Variants in MOB3B observed in about 807,000 individuals in gnomAD.
The protein encoded by MOB3B is MOB kinase activator 3B.
MOB3B carries 7 observed loss-of-function variants against 18.7 expected under a neutral mutation model. That is an observed-to-expected ratio of 0.37 (90% CI 0.21 to 0.70). The LOEUF (loss-of-function observed/expected upper bound fraction) is 0.70, where lower values mean the gene tolerates loss of function less well. Among genes scored for constraint, MOB3B ranks in the 30% least tolerant of loss-of-function variants. The probability of loss-of-function intolerance (pLI) is 0.52; values close to 1 mark genes in which losing one functional copy is unlikely to be tolerated. For synonymous variants in MOB3B, 111 were observed against 99.9 expected, an observed-to-expected ratio of 1.11 and a Z score of -0.66; for missense variants, 253 against 281.3, an observed-to-expected ratio of 0.90 and a Z score of 0.72.
chr9:27,342,063 G>A (rs1006829930), intron 3 of MOB3B, among the ~76,000 whole-genome samples: 1 of 152,130 alleles, frequency 6.6e-6, no homozygotes, highest in South Asian at 2.1e-4. Context: ...ATTGGAGTAA[G>A]CCACACCCAT....
At chr9:27,426,472 C>G (rs1822333282) in intron 2 of MOB3B, among the ~76,000 whole-genome samples, 2 of 152,182 alleles carry the variant, frequency 1.3e-5, no homozygotes, top group Non-Finnish European at 2.9e-5. Flanking sequence ...CTTATGCACA[C>G]AGAGGTCCAG....
rs73437172 is a variant in MOB3B at position 27,498,336 on chromosome 9, C to A, written c.-199+31219G>T. Reference sequence around the variant, plus strand: ...ACCTACTGTGAGGTACAAGGGTGAGCATTGTTTAATTGGCTTTGGGAGTCG... The same window carrying A: ...ACCTACTGTGAGGTACAAGGGTGAGAATTGTTTAATTGGCTTTGGGAGTCG... On this transcript the variant is annotated intron_variant, in intron 1 of 3. Transcript: ENST00000262244. 7.8e-3 allele frequency among the ~76,000 whole-genome samples: 1,184 copies of A among 152,276 alleles called. 20 individuals are homozygous for A. The highest frequency in any genetic ancestry group is 0.026 in the African/African-American group (1,091 of 41,546).
intron 1 of MOB3B, among the ~76,000 whole-genome samples, chr9:27,481,507 T>TG (rs1554652191): frequency 1.0e-3 from 105 of 102,336 alleles, no homozygotes; most frequent in Admixed American, 2.1e-3. Context: ...GTTTTTTTTT[T>TG]TTTGTTTTTT....
rs148951181 is a variant in MOB3B at position 27,387,604 on chromosome 9, A to G, written c.419-28368T>C. Among the ~76,000 whole-genome samples the G allele has an allele frequency of 1.2e-3, 176 of 152,348 alleles. 1 individual carries two copies. The highest frequency in any genetic ancestry group is 4.0e-3 in the African/African-American group (165 of 41,560). ...AACTACTATTATTATCATTATCATAATTACCATCAGATTCTCCTGGTACAT... is the reference window on the plus strand; with the variant it reads ...AACTACTATTATTATCATTATCATAGTTACCATCAGATTCTCCTGGTACAT... On this transcript the variant is annotated intron_variant, in intron 2 of 3. Coordinates refer to ENST00000262244, the MANE Select transcript of MOB3B (RefSeq NM_024761.5).
At chr9:27,480,419 C>T (rs1292336903) in intron 1 of MOB3B, among the ~76,000 whole-genome samples, 1 of 151,886 alleles carries the variant, frequency 6.6e-6, no homozygotes, top group African/African-American at 2.4e-5. Flanking sequence ...CCTGCCTCAG[C>T]CTCCGGAGTA....
At chr9:27,506,418 T>C (rs1257549803) in intron 1 of MOB3B, among the ~76,000 whole-genome samples, 2 of 152,196 alleles carry the variant, frequency 1.3e-5, no homozygotes, top group Admixed American at 1.3e-4. Context: ...GTCTGAAATG[T>C]CTCCTCTCAT....
chr9:27,413,046 A>G (rs942052304), intron 2 of MOB3B, among the ~76,000 whole-genome samples: 3 of 152,204 alleles, frequency 2.0e-5, no homozygotes, highest in African/African-American at 4.8e-5. Flanking sequence ...CAGCCAAGTA[A>G]TAACATTAAC....
intron 2 of MOB3B, among the ~76,000 whole-genome samples, chr9:27,415,060 C>T (rs1424755364): frequency 1.3e-5 from 2 of 151,682 alleles, no homozygotes; most frequent in African/African-American, 4.9e-5. Context: ...CGGGGTTTCA[C>T]CATGTTGGCC....
At chr9:27,513,946 G>A (rs1288037764) in intron 1 of MOB3B, among the ~76,000 whole-genome samples, 1 of 151,552 alleles carries the variant, frequency 6.6e-6, no homozygotes, top group Admixed American at 6.6e-5. Context: ...GTGGATGGAT[G>A]GAATAAACAT....
At position 27,329,870 on chromosome 9, in the gene MOB3B, T is replaced by C. The variant is rs890874376; in HGVS notation, c.*717A>G. The C allele has an allele frequency of 3.3e-5, 5 of 152,636 alleles. No individual in the cohort carries two copies. Among genetic ancestry groups the C allele is most frequent in the African/African-American group, 4.8e-5 (2 of 41,454 alleles). 9.5% of individuals were successfully genotyped at this position (152,636 alleles called of 1,614,324 possible). On this transcript the variant is annotated 3_prime_UTR_variant, in exon 4 of 4. Transcript: ENST00000262244. ...AACTGGTAACTTGTCAGCTTTACGC[T>C]AGTAACCAGTCTCTTCCCTGCAGTT...
intron 2 of MOB3B, among the ~76,000 whole-genome samples, chr9:27,376,691 T>C (rs1587165960): frequency 6.6e-6 from 1 of 152,224 alleles, no homozygotes; most frequent in African/African-American, 2.4e-5. Context: ...AATACTGGCC[T>C]ACAGAAGTGA....
chr9:27,524,913 T>A (rs564573513), intron 1 of MOB3B: 1 of 1,609,402 alleles, frequency 6.2e-7, no homozygotes, highest in East Asian at 2.2e-5. Flanking sequence ...AATCAGAAGA[T>A]GTTTGTATTA....
At chr9:27,477,671 A>G (rs1354800151) in intron 1 of MOB3B, among the ~76,000 whole-genome samples, 1 of 152,244 alleles carries the variant, frequency 6.6e-6, no homozygotes, top group African/African-American at 2.4e-5. Context: ...AATATAAGCC[A>G]TGGCAGCCAT....
chr9:27,370,307 A>C (rs1054600334), intron 2 of MOB3B, among the ~76,000 whole-genome samples: 1 of 152,070 alleles, frequency 6.6e-6, no homozygotes, highest in African/African-American at 2.4e-5. Context: ...TCGGGAATTC[A>C]AGACCGGCCT....
intron 2 of MOB3B, among the ~76,000 whole-genome samples, chr9:27,409,532 A>T (rs922202327): frequency 2.0e-5 from 3 of 152,250 alleles, no homozygotes; most frequent in African/African-American, 7.2e-5. Flanking sequence ...GCAGTTCCTC[A>T]AAAAGTTAAA....
At chr9:27,452,781 C>A (rs904034385) in intron 2 of MOB3B, among the ~76,000 whole-genome samples, 6 of 152,158 alleles carry the variant, frequency 3.9e-5, no homozygotes, top group Non-Finnish European at 7.3e-5. Context: ...ACAAATACTG[C>A]ATAGTTTCTC....
intron 3 of MOB3B, 108 bp from the exon 4 acceptor site, chr9:27,330,724 G>T (rs1820774724): frequency 1.3e-6 from 2 of 1,490,818 alleles, no homozygotes; most frequent in Non-Finnish European, 1.8e-6. Context: ...GTAAATGAAA[G>T]CTTGCAAGCA....
intron 1 of MOB3B, among the ~76,000 whole-genome samples, chr9:27,467,568 C>CCATT (rs1819404081): frequency 6.6e-6 from 1 of 152,228 alleles, no homozygotes; most frequent in Non-Finnish European, 1.5e-5. Context: ...CATTTCCCCA[C>CCATT]TCGTGGTTTG....
At chr9:27,419,910 C>T (rs1230099649) in intron 2 of MOB3B, among the ~76,000 whole-genome samples, 1 of 151,992 alleles carries the variant, frequency 6.6e-6, no homozygotes, top group Non-Finnish European at 1.5e-5. Flanking sequence ...ATACATCTGA[C>T]AAAAGACCAA....
Sources: gnomAD v4.1 joint callset for allele counts (sites outside exome capture counted in the v4.1 genomes callset) on GRCh38, gnomAD v4.1.1 for gene constraint, MANE v1.5 for transcripts, NCBI Gene and HGNC (gene_info 2026-07-23, HGNC 2026-07-21) for gene names.